Variants in DLGAP2 observed in about 807,000 individuals in gnomAD.
The protein encoded by DLGAP2 is DLG associated protein 2, also known as disks large-associated protein 2.
A neutral mutation model predicts 100.3 loss-of-function variants in DLGAP2; 26 were observed. That is an observed-to-expected ratio of 0.26 (90% confidence interval 0.19 to 0.36). The LOEUF (loss-of-function observed/expected upper bound fraction) is 0.36. Among genes scored for constraint, DLGAP2 ranks in the 10% least tolerant of loss-of-function variants. DLGAP2 has a pLI of 1.00. For synonymous variants in DLGAP2, 886 were observed against 630.1 expected, an observed-to-expected ratio of 1.41 and a Z score of -6.08; for missense variants, 1,858 against 1,453.2, an observed-to-expected ratio of 1.28 and a Z score of -4.53.
intron 3 of DLGAP2, among the ~76,000 whole-genome samples, chr8:1,317,260 G>T (rs1370233631): frequency 1.4e-5 from 2 of 141,406 alleles, no homozygotes; most frequent in Non-Finnish European, 3.0e-5. Context: ...TGCGAGTGCA[G>T]CGTCTCTCCA....
intron 4 of DLGAP2, among the ~76,000 whole-genome samples, chr8:1,506,346 G>A (rs1291845563): frequency 6.6e-6 from 1 of 152,156 alleles, no homozygotes; most frequent in Admixed American, 6.5e-5. Flanking sequence ...GTAGGTTCTT[G>A]GTCTCACTGA....
At chr8:1,540,440 G>A (rs4876088) in intron 4 of DLGAP2, among the ~76,000 whole-genome samples, 146,220 of 152,302 alleles carry the variant, frequency 0.96, 70,257 homozygotes, top group East Asian at 1. Flanking sequence ...TGAAAGAGAG[G>A]GAAAGGAAGG....
At position 1,234,154 on chromosome 8, in the gene DLGAP2, C is replaced by T. The variant is rs1029565342; in HGVS notation, c.74-24697C>T. On this transcript the variant is annotated intron_variant, in intron 2 of 14. Transcript: ENST00000637795. ...AAGTTTCAAAGGCTTCTCCTGTCCT[C>T]CCTCGAAAGCGGAAAGTCCTGTGCG... is the stretch of plus-strand genomic sequence containing the variant. 2.6e-5 allele frequency among the ~76,000 whole-genome samples: 4 copies of T among 152,332 alleles called. No homozygotes were observed. The Middle Eastern group carries it at 0.01, about 389-fold the overall frequency.
chr8:1,142,081 T>C (rs564109418), intron 2 of DLGAP2, among the ~76,000 whole-genome samples: 34 of 151,984 alleles, frequency 2.2e-4, no homozygotes, highest in African/African-American at 7.7e-4. Context: ...TAAGTTTTTT[T>C]TTTTGCTATG....
rs140478886 is a variant in DLGAP2 at position 1,120,959 on chromosome 8, C to T, written c.74-137892C>T. Among the ~76,000 whole-genome samples, 1,087 of 151,700 alleles carry T rather than the reference C, an allele frequency of 7.2e-3. 13 individuals carry two copies. The highest frequency in any genetic ancestry group is 0.025 in the African/African-American group (1,015 of 41,334). ...CTGCCATCCTTATCCCTTTAGAAAC[C>T]CTGACCACCCATCCTCGTCCCTTCA... On this transcript the variant is annotated intron_variant, in intron 2 of 14. Transcript: ENST00000637795.
intron 3 of DLGAP2, among the ~76,000 whole-genome samples, chr8:1,389,406 G>A (rs531570855): frequency 3.9e-5 from 6 of 152,218 alleles, no homozygotes; most frequent in Admixed American, 1.3e-4. Flanking sequence ...AGAAAGTGGC[G>A]AAGCTTGGAA....
intron 4 of DLGAP2, among the ~76,000 whole-genome samples, chr8:1,511,588 A>G (rs997928911): frequency 4.6e-5 from 7 of 151,544 alleles, no homozygotes; most frequent in African/African-American, 1.7e-4. Flanking sequence ...CAGTCAATAG[A>G]TGACCATCTT....
At chr8:946,474 A>T (rs902994157) in intron 2 of DLGAP2, among the ~76,000 whole-genome samples, 5 of 151,874 alleles carry the variant, frequency 3.3e-5, no homozygotes, top group Non-Finnish European at 7.4e-5. Flanking sequence ...CATATTAGCC[A>T]GGATGGTCTC....
intron 2 of DLGAP2, among the ~76,000 whole-genome samples, chr8:972,180 A>G (rs1563121398): frequency 6.6e-6 from 1 of 152,248 alleles, no homozygotes; most frequent in East Asian, 1.9e-4. Flanking sequence ...AGATGGACAG[A>G]CATAAATCTC....
intron 6 of DLGAP2, among the ~76,000 whole-genome samples, chr8:1,607,380 A>G (rs563425773): frequency 6.6e-6 from 1 of 152,314 alleles, no homozygotes; most frequent in South Asian, 2.1e-4. Flanking sequence ...GATTTCCATA[A>G]TGCTCATCAC....
At chr8:1,412,424 G>C (rs940066161) in intron 3 of DLGAP2, among the ~76,000 whole-genome samples, 1 of 152,164 alleles carries the variant, frequency 6.6e-6, no homozygotes, top group African/African-American at 2.4e-5. Flanking sequence ...CATATGATTT[G>C]TTACATTGCT....
chr8:749,736 G>C (rs986035570), intron 1 of DLGAP2, among the ~76,000 whole-genome samples: 1 of 152,144 alleles, frequency 6.6e-6, no homozygotes, highest in Non-Finnish European at 1.5e-5. Context: ...GTTTCCTAGG[G>C]GCTGCTATAA....
intron 1 of DLGAP2, among the ~76,000 whole-genome samples, chr8:822,478 C>T (rs946788395): frequency 6.6e-5 from 10 of 152,194 alleles, no homozygotes; most frequent in East Asian, 3.9e-4. Flanking sequence ...ACTTCTCATG[C>T]GCACAGTGTT....
At chr8:758,142 C>A (rs1820967603) in intron 1 of DLGAP2, among the ~76,000 whole-genome samples, 1 of 152,222 alleles carries the variant, frequency 6.6e-6, no homozygotes. Flanking sequence ...GCAGGAGTGG[C>A]CATCCCGAGG....
Position 815,505 on chromosome 8 carries a change from C to T in DLGAP2, c.18+77680C>T, listed in dbSNP as rs138090970. 1.8e-3 allele frequency among the ~76,000 whole-genome samples: 275 copies of T among 152,230 alleles called. 1 individual carries two copies. The highest frequency in any genetic ancestry group is 6.3e-3 in the African/African-American group (261 of 41,536). On this transcript the variant is annotated intron_variant, in intron 1 of 14. Transcript: ENST00000637795. ...GAGGGAAAATCCTTTCAGATGGATA[C>T]GTTGTATCACCTGCTAAGCGGAAAT...
chr8:1,232,659 C>G (rs909872904), intron 2 of DLGAP2, among the ~76,000 whole-genome samples: 1 of 152,162 alleles, frequency 6.6e-6, no homozygotes, highest in African/African-American at 2.4e-5. Flanking sequence ...TTCATTTCTC[C>G]TTGCAAAATC....
At chr8:1,613,140 G>T (rs34350959) in intron 6 of DLGAP2, among the ~76,000 whole-genome samples, 214 of 143,906 alleles carry the variant, frequency 1.5e-3, no homozygotes, top group African/African-American at 5.3e-3. Context: ...TTGGAACCAA[G>T]CCAAATGTCC....
chr8:1,051,652 C>T lies in DLGAP2; in HGVS notation c.73+143686C>T, dbSNP rs144915827. ...TCTTAAATGGACTGATTTTGGGATC[C>T]AGAGTAAAGTCACGTCTGGTCCACA... On this transcript the variant is annotated intron_variant, in intron 2 of 14. Coordinates refer to ENST00000637795, the MANE Select transcript of DLGAP2 (RefSeq NM_001346810.2). Among the ~76,000 whole-genome samples, 8 of 152,210 alleles carry T rather than the reference C, an allele frequency of 5.3e-5. No homozygotes were observed. The East Asian group carries it at 1.4e-3, about 26-fold the overall frequency.
chr8:1,023,234 C>T (rs577032236), intron 2 of DLGAP2, among the ~76,000 whole-genome samples: 13 of 152,288 alleles, frequency 8.5e-5, no homozygotes, highest in African/African-American at 2.4e-4. Context: ...TTGTTCTCAG[C>T]GTGCCTGAGA....
Sources: allele counts gnomAD v4.1 joint callset (sites outside exome capture counted in the v4.1 genomes callset), GRCh38; gene constraint gnomAD v4.1.1; transcripts MANE v1.5; gene names NCBI Gene and HGNC (gene_info 2026-07-23, HGNC 2026-07-21).